The following EHBP1L1 variants were observed in gnomAD, a reference collection of about 807,000 sequenced individuals.
EHBP1L1 encodes the protein EH domain-binding protein 1-like protein 1.
EHBP1L1 carries 122 observed loss-of-function variants against 151.1 expected under a neutral mutation model. That is an observed-to-expected ratio of 0.81 (90% confidence interval 0.70 to 0.94). The LOEUF (loss-of-function observed/expected upper bound fraction) is 0.94, where lower values mean the gene tolerates loss of function less well. Among genes scored for constraint, EHBP1L1 ranks in the 40% least tolerant of loss-of-function variants. The pLI is 0.00. For synonymous variants in EHBP1L1, 878 were observed against 810.1 expected (o/e 1.08, Z -1.42); for missense variants, 1,941 against 1,959.8 (o/e 0.99, Z 0.18).
At chr11:65,591,043 T>C (rs1456998512) in intron 16 of EHBP1L1, among the ~76,000 whole-genome samples, 1 of 151,370 alleles carries the variant, frequency 6.6e-6, no homozygotes, top group African/African-American at 2.4e-5. Context: ...AAAATAAAAA[T>C]TAAAACAAAA....
rs913581552 is a variant in EHBP1L1, at chr11:65,585,269, C to T, written c.3611C>T (p.Ala1204Val). 76 of 1,083,076 alleles carry T rather than the reference C, an allele frequency of 7.0e-5. No individual in the cohort carries two copies. The highest frequency in any genetic ancestry group is 1.7e-5 in the African/African-American group (1 of 58,548). The allele number at this position is 1,083,076 out of a possible 1,614,324, so 67.1% of individuals were successfully genotyped here. A position where few individuals can be genotyped will look rare whatever the true frequency, so the allele number is the denominator to read the frequency against. ...KEAADRADGA[A>V]PGVASRNAVA... is the part of the protein sequence containing the mutation. ...GCCGCAGACCGCGCAGACGGGGCGG[C>T]CCCGGGGGTGGCCTCCAGGAACGCG... Residue 1204 changes from alanine (A) to valine (V), a missense_variant, in exon 12 of 19, where the codon GCC becomes GTC. Coordinates refer to ENST00000309295, the MANE Select transcript of EHBP1L1 (RefSeq NM_001099409.3). This position sits in a 1 kb window ranked among gnomAD's most constrained non-coding sequence, Gnocchi z 4.0.
At chr11:65,584,058 C>T in intron 9 of EHBP1L1, 183 bp from the exon 10 acceptor site, 3 of 1,429,686 alleles carry the variant, frequency 2.1e-6, no homozygotes, top group Non-Finnish European at 1.8e-6. Flanking sequence ...TTTTAGGTGA[C>T]CTTGGCAGAT....
Position 65,580,890 on chromosome 11 carries a change from C to T in EHBP1L1, c.635-168C>T, listed in dbSNP as rs369525885. On this transcript the variant is annotated intron_variant, in intron 6 of 18. Transcript: ENST00000309295. ...TGTCCACTGTTGAGGTTCTCTCTCTCTTTCTCTCCACATCTGTGGGCCTGT... is the reference window on the plus strand; with the variant it reads ...TGTCCACTGTTGAGGTTCTCTCTCTTTTTCTCTCCACATCTGTGGGCCTGT... 1.9e-5 allele frequency: 27 copies of T among 1,422,752 alleles called. No homozygotes were observed. In the African/African-American group the frequency reaches 3.8e-4, roughly 20 times the overall value. 88.1% of individuals were successfully genotyped at this position (1,422,752 alleles called of 1,614,324 possible).
At position 65,581,021 on chromosome 11, in the gene EHBP1L1, C is replaced by T. The variant is rs775652086; in HGVS notation, c.635-37C>T. 4 of 1,566,196 alleles carry T rather than the reference C, an allele frequency of 2.6e-6. No homozygotes were observed. In the Admixed American group the frequency reaches 7.6e-5, roughly 30 times the overall value. ...CAGGCCTGTGGGGCCCTGCCCTGGG[C>T]TGACTCTGCCCTTCTCCCCTCTCCT... On this transcript the variant is annotated intron_variant, in intron 6 of 18. Transcript: ENST00000309295.
In EHBP1L1 at chr11:65,582,255, C is replaced by G; in HGVS notation, c.1583C>G (p.Ser528Cys). 1.3e-6 allele frequency: 2 copies of G among 1,526,822 alleles called. No individual in the cohort carries two copies. Among genetic ancestry groups the G allele is most frequent in the Non-Finnish European group, 1.8e-6 (2 of 1,142,156 alleles). 94.6% of individuals were successfully genotyped at this position (1,526,822 alleles called of 1,614,324 possible). A position where few individuals can be genotyped will look rare whatever the true frequency, so the allele number is the denominator to read the frequency against. Residue 528 changes from serine (S) to cysteine (C), a missense_variant, in exon 9 of 19, where the codon TCT becomes TGT. Ser to Cys is a moderately radical substitution (Grantham distance 112, BLOSUM62 -1). Transcript: ENST00000309295. Reference sequence around the variant, plus strand: ...GGGACAGGCCTGGAGCAGGGCCCTTCTGTTGGAGCAATAAGCACCAGGCCC... The same window carrying G: ...GGGACAGGCCTGGAGCAGGGCCCTTGTGTTGGAGCAATAAGCACCAGGCCC... ...IEGTGLEQGP[S>C]VGAISTRPQV...
chr11:65,581,268 C>T lies in EHBP1L1; in HGVS notation c.761C>T (p.Pro254Leu), dbSNP rs1857592126. The stretch of plus-strand genomic sequence containing the variant: ...CCAGCCCCTGTGAGTGCTCCTGCAC[C>T]CCCAGCCAGAACCTCCCGAGGCCAG... ...TSPAPVSAPAPPARTSRGQGS... is the reference protein window; with the variant it reads ...TSPAPVSAPALPARTSRGQGS... Residue 254 changes from proline (P) to leucine (L), a missense_variant, in exon 8 of 19, where the codon CCC becomes CTC. Pro to Leu is a moderately conservative substitution (Grantham distance 98). Coordinates refer to ENST00000309295, the MANE Select transcript of EHBP1L1 (RefSeq NM_001099409.3). 5 of 1,611,346 alleles carry T rather than the reference C, an allele frequency of 3.1e-6. No homozygotes were observed. In the South Asian group the frequency reaches 4.4e-5, roughly 14 times the overall value.
chr11:65,580,437 G>C lies in EHBP1L1; in HGVS notation c.592G>C (p.Gly198Arg). 1 of 1,613,594 alleles carries C rather than the reference G, an allele frequency of 6.2e-7. No homozygotes were observed. The highest frequency in any genetic ancestry group is 8.5e-7 in the Non-Finnish European group (1 of 1,179,856). The change falls in exon 6 of 19, where the codon GGC (glycine) becomes CGC (arginine). Residue 198 changes from glycine (G) to arginine (R), a missense_variant. Transcript: ENST00000309295. ...FAESDEDEAH[G>R]PGAPEARARV... is the part of the protein sequence containing the mutation. ...TGAGAGTGATGAAGATGAGGCTCATGGCCCAGGAGCCCCGGAGGCCCGGGC... is the reference window on the plus strand; with the variant it reads ...TGAGAGTGATGAAGATGAGGCTCATCGCCCAGGAGCCCCGGAGGCCCGGGC...
chr11:65,579,966 G>A lies in EHBP1L1; in HGVS notation c.289G>A (p.Glu97Lys), dbSNP rs747929430. 29 of 1,613,800 alleles carry A rather than the reference G, an allele frequency of 1.8e-5. No individual in the cohort carries two copies. The highest frequency in any genetic ancestry group is 2.5e-5 in the Non-Finnish European group (29 of 1,179,876). ...CCACGTGGACCAGTATGAGGCCAAAGAGTGGACATTTATTATTGAAAATGT... is the reference window on the plus strand; with the variant it reads ...CCACGTGGACCAGTATGAGGCCAAAAAGTGGACATTTATTATTGAAAATGT... ...DPHVDQYEAK[E>K]WTFIIENESK... Residue 97 changes from glutamate (E) to lysine (K), a missense_variant, in exon 4 of 19, where the codon GAG (glutamate) becomes AAG (lysine). Coordinates refer to ENST00000309295, the MANE Select transcript of EHBP1L1 (RefSeq NM_001099409.3).
At chr11:65,584,165 A>G in intron 9 of EHBP1L1, 76 bp from the exon 10 acceptor site, 1 of 1,553,774 alleles carries the variant, frequency 6.4e-7, no homozygotes, top group Non-Finnish European at 8.7e-7. Flanking sequence ...GTTGTGTGCC[A>G]GGCATGAGCT....
chr11:65,583,976 A>G, intron 9 of EHBP1L1: 1 of 1,408,046 alleles, frequency 7.1e-7, no homozygotes. Context: ...GGACACCTCT[A>G]AGCTGATTTT....
rs533308002 is a variant in EHBP1L1 at position 65,590,156 on chromosome 11, A to G, written c.4129A>G (p.Ile1377Val). The stretch of plus-strand genomic sequence containing the variant: ...GGCCCTGGAACAGGAGCAGAGGCAG[A>G]TAGATGGGCGGGCGGCTGAGGTGGA... ...LQALEQEQRQ[I>V]DGRAAEVEMQ... The change falls in exon 15 of 19, where the codon ATA becomes GTA. Residue 1377 changes from isoleucine to valine, a missense_variant. Physicochemically the swap from Ile to Val is conservative, Grantham distance 29. Coordinates refer to ENST00000309295, the MANE Select transcript of EHBP1L1 (RefSeq NM_001099409.3). The G allele has an allele frequency of 6.2e-7, 1 of 1,613,868 alleles. No individual in the cohort carries two copies. The highest frequency in any genetic ancestry group is 1.7e-5 in the Admixed American group (1 of 59,992).
Position 65,591,786 on chromosome 11 carries a change from C to CCCCCCCCCA in EHBP1L1, c.4284-13_4284-12insCCCCCCCAC. 6.5e-7 allele frequency: 1 copy of CCCCCCCCCA among 1,532,410 alleles called. No individual in the cohort carries two copies. The highest frequency in any genetic ancestry group is 8.8e-7 in the Non-Finnish European group (1 of 1,133,768). The allele number at this position is 1,532,410 out of a possible 1,614,324, so 94.9% of individuals were successfully genotyped here. A position where few individuals can be genotyped will look rare whatever the true frequency, so the allele number is the denominator to read the frequency against. On this transcript the variant is annotated splice_polypyrimidine_tract_variant and intron_variant, in intron 16 of 18. Transcript: ENST00000309295. ...CTGCCACCCCCCCGCCACCCACCCC[C>CCCCCCCCCA]CGCCACCTTCCAGCATGGAGGAGCA...
Position 65,585,728 on chromosome 11 carries a change from G to T in EHBP1L1, c.3933+137G>T. ...TGACGGTTTCAGAGTGGCGGGGCTC[G>T]GCTGGACCCAGGAGGGGCTATCTGA... is the stretch of plus-strand genomic sequence containing the variant. On this transcript the variant is annotated intron_variant, in intron 12 of 18. Coordinates refer to ENST00000309295, the MANE Select transcript of EHBP1L1 (RefSeq NM_001099409.3). This position sits in a 1 kb window ranked among gnomAD's most constrained non-coding sequence, Gnocchi z 4.0. 2.2e-6 allele frequency: 3 copies of T among 1,391,274 alleles called. No individual in the cohort carries two copies. The highest frequency in any genetic ancestry group is 2.9e-6 in the Non-Finnish European group (3 of 1,037,334). The allele number at this position is 1,391,274 out of a possible 1,614,324, so 86.2% of individuals were successfully genotyped here.
rs1857812693 is a variant in EHBP1L1, at chr11:65,584,313, G to A, written c.3166G>A (p.Gly1056Ser). Residue 1056 changes from glycine to serine, a missense_variant, in exon 10 of 19, where the codon GGC becomes AGC. Coordinates refer to ENST00000309295, the MANE Select transcript of EHBP1L1 (RefSeq NM_001099409.3). ...WCQEVTTGYR[G>S]VRITNFTTSW... ...CCAGGAAGTCACCACTGGCTACCGT[G>A]GCGTCCGCATCACCAACTTCACCAC... 2 of 1,611,402 alleles carry A rather than the reference G, an allele frequency of 1.2e-6. No homozygotes were observed. Among genetic ancestry groups the A allele is most frequent in the African/African-American group, 1.3e-5 (1 of 74,786 alleles).
At position 65,582,022 on chromosome 11, in the gene EHBP1L1, A is replaced by G. The variant is rs776697433; in HGVS notation, c.1350A>G (p.Arg450=). 1.2e-6 allele frequency: 2 copies of G among 1,613,630 alleles called. No homozygotes were observed. The highest frequency in any genetic ancestry group is 1.7e-6 in the Non-Finnish European group (2 of 1,179,840). Residue 450 remains arginine (R), a synonymous_variant, in exon 9 of 19, where the codon AGA becomes AGG. Coordinates refer to ENST00000309295, the MANE Select transcript of EHBP1L1 (RefSeq NM_001099409.3). ...PEATGVMPEA[R]CRGTPEAPPR... is the part of the protein sequence containing the mutation. ...CGACAGGGGTGATGCCTGAGGCAAG[A>G]TGCAGGGGGACCCCTGAGGCTCCTC...
At chr11:65,583,819 C>G (rs1857779966) in intron 9 of EHBP1L1, 54 bp downstream of exon 9, 1 of 1,440,784 alleles carries the variant, frequency 6.9e-7, no homozygotes, top group Non-Finnish European at 9.1e-7. Flanking sequence ...TAACCTGGGG[C>G]TGAGCGAACG....
rs200197924 is a variant in EHBP1L1, at chr11:65,579,150, C to T, written c.162+15C>T. 613 of 1,583,400 alleles carry T rather than the reference C, an allele frequency of 3.9e-4. No homozygotes were observed. The African/African-American group carries it at 7.0e-3, about 18-fold the overall frequency. On this transcript the variant is annotated intron_variant, in intron 2 of 18. Coordinates refer to ENST00000309295, the MANE Select transcript of EHBP1L1 (RefSeq NM_001099409.3). ...TCTGCTCCAAGGTGGGGAAGGATGG[C>T]AACTGGGGATCCAGGTTAGGGATGG... is the stretch of plus-strand genomic sequence containing the variant.
chr11:65,583,527 G>T lies in EHBP1L1; in HGVS notation c.2855G>T (p.Trp952Leu). Reference sequence around the variant, plus strand: ...ATGTCAGAGGGCAAATCTGGGGCTTGGGGGGCCCAGGAAGCAGAGATGAAG... The same window carrying T: ...ATGTCAGAGGGCAAATCTGGGGCTTTGGGGGCCCAGGAAGCAGAGATGAAG... The part of the protein sequence containing the change: ...WGMSEGKSGA[W>L]GAQEAEMKVL... The change falls in exon 9 of 19, where the codon TGG becomes TTG. Residue 952 changes from tryptophan to leucine, a missense_variant. Coordinates refer to ENST00000309295, the MANE Select transcript of EHBP1L1 (RefSeq NM_001099409.3). 6.2e-7 allele frequency: 1 copy of T among 1,613,134 alleles called. No individual in the cohort carries two copies. Among genetic ancestry groups the T allele is most frequent in the South Asian group, 1.1e-5 (1 of 91,036 alleles).
chr11:65,585,070 C>T lies in EHBP1L1; in HGVS notation c.3412C>T (p.Arg1138Cys), dbSNP rs1455879367. 1.8e-5 allele frequency: 28 copies of T among 1,543,582 alleles called. No individual in the cohort carries two copies. Among genetic ancestry groups the T allele is most frequent in the Non-Finnish European group, 2.4e-5 (28 of 1,152,552 alleles). ...LIVMTYLCQI[R>C]AFCTGQELQL... ...CGTCATGACGTACCTGTGCCAGATC[C>T]GCGCCTTCTGCACCGGGCAGGAGCT... is the stretch of plus-strand genomic sequence containing the variant. Residue 1138 changes from arginine (R) to cysteine (C), a missense_variant, in exon 12 of 19, where the codon CGC becomes TGC. Transcript: ENST00000309295. The surrounding 1 kb of genome is among the most constrained non-coding windows in gnomAD (Gnocchi z 4.0).
Sources: gnomAD v4.1 joint callset for allele counts (sites outside exome capture counted in the v4.1 genomes callset) on GRCh38, gnomAD v4.1.1 for gene constraint, Gnocchi (gnomAD v3.1) non-coding constraint, MANE v1.5 for transcripts, NCBI Gene and HGNC (gene_info 2026-07-23, HGNC 2026-07-21) for gene names.